GPRC5C: variants seen among roughly 807,000 people sequenced by gnomAD.
GPRC5C encodes G protein-coupled receptor class C group 5 member C, also known as G protein-coupled receptor family C group 5 member C.
In GPRC5C, 22 loss-of-function variants were observed where a neutral mutation model predicts 31.4. That is an observed-to-expected ratio of 0.70 (90% CI 0.50 to 1.00). GPRC5C has a LOEUF of 1.00. Among genes scored for constraint, GPRC5C ranks in the 50% least tolerant of loss-of-function variants. The pLI is 0.00. For missense variants in GPRC5C, 557 were observed against 597.2 expected, an observed-to-expected ratio of 0.93 and a Z score of 0.70; for synonymous variants, 249 against 257.5, an observed-to-expected ratio of 0.97 and a Z score of 0.32.
At chr17:74,433,631 C>T in intron 1 of GPRC5C, 1 of 1,240,398 alleles carries the variant, frequency 8.1e-7, no homozygotes, top group South Asian at 1.2e-5. Flanking sequence ...GTCGGGCCAT[C>T]GTCTTTCCCT....
chr17:74,437,488 TA>T (rs2055449481), intron 1 of GPRC5C, among the ~76,000 whole-genome samples: 1 of 152,208 alleles, frequency 6.6e-6, no homozygotes, highest in Non-Finnish European at 1.5e-5. Context: ...TAAGACGACC[TA>T]AATATTTTCA....
intron 1 of GPRC5C, among the ~76,000 whole-genome samples, chr17:74,433,272 G>A (rs540405356): frequency 1.3e-5 from 2 of 152,280 alleles, no homozygotes; most frequent in Admixed American, 1.3e-4. Context: ...TGGACTGGGG[G>A]AGGGAGTGCA....
At position 74,432,562 on chromosome 17, in the gene GPRC5C, G is replaced by A. The variant is rs929534167; in HGVS notation, c.-33+421G>A. On this transcript the variant is annotated intron_variant, in intron 1 of 3. Transcript: ENST00000392627. The stretch of plus-strand genomic sequence containing the variant: ...CCTTCCCGCTCCGCCGCCCGGAAGA[G>A]TCGGGTCGGGACGGCGGGGAGTGGG... The A allele has an allele frequency of 7.3e-5, 72 of 983,764 alleles. No individual in the cohort carries two copies. In the African/African-American group the frequency reaches 1.2e-3, roughly 16 times the overall value. The allele number at this position is 983,764 out of a possible 1,614,324, so 60.9% of individuals were successfully genotyped here.
At chr17:74,433,571 T>C in intron 1 of GPRC5C, 1 of 753,988 alleles carries the variant, frequency 1.3e-6, no homozygotes, top group South Asian at 1.5e-5. Flanking sequence ...CAGTGGGACC[T>C]AACCAGGGAC....
Position 74,447,083 on chromosome 17 carries a change from C to G in GPRC5C, c.*55C>G, listed in dbSNP as rs1049104458. 1 of 1,567,120 alleles carries G rather than the reference C, an allele frequency of 6.4e-7. No homozygotes were observed. Among genetic ancestry groups the G allele is most frequent in the African/African-American group, 1.4e-5 (1 of 73,752 alleles). ...TTTGGGGAGGGCCCTGAGGACCTGGCCCCGGGCAAGGGACTCTCCAGGCTC... is the reference window on the plus strand; with the variant it reads ...TTTGGGGAGGGCCCTGAGGACCTGGGCCCGGGCAAGGGACTCTCCAGGCTC... On this transcript the variant is annotated 3_prime_UTR_variant, in exon 4 of 4. Coordinates refer to ENST00000392627, the MANE Select transcript of GPRC5C (RefSeq NM_022036.4).
Position 74,443,900 on chromosome 17 carries a change from G to A in GPRC5C, c.1134G>A (p.Met378Ile), listed in dbSNP as rs1567963528. 6.2e-7 allele frequency: 1 copy of A among 1,610,674 alleles called. No individual in the cohort carries two copies. Among genetic ancestry groups the A allele is most frequent in the Non-Finnish European group, 8.5e-7 (1 of 1,177,032 alleles). ...ACCAGCCCACTGAGATGGCCCTGAT[G>A]CACAAAGTTCCGGTAAGTGGGTTCC... is the stretch of plus-strand genomic sequence containing the variant. ...SVYQPTEMAL[M>I]HKVPSEGAYD... The change falls in exon 3 of 4, where the codon ATG becomes ATA. Residue 378 changes from methionine (M) to isoleucine (I), a missense_variant. Coordinates refer to ENST00000392627, the MANE Select transcript of GPRC5C (RefSeq NM_022036.4).
At chr17:74,432,204 G>GT in intron 1 of GPRC5C, 63 bp downstream of exon 1, 2 of 1,563,698 alleles carry the variant, frequency 1.3e-6, no homozygotes, top group Non-Finnish European at 1.7e-6. Context: ...GCACGTACCT[G>GT]GAGCGCGGCG....
chr17:74,446,972 C>T lies in GPRC5C; in HGVS notation c.1270C>T (p.Pro424Ser), dbSNP rs201104752. Residue 424 changes from proline (P) to serine (S), a missense_variant, in exon 4 of 4, where the codon CCG (proline) becomes TCG (serine). By Grantham distance (74) the Pro-to-Ser change is moderately conservative (BLOSUM62 -1). Transcript: ENST00000392627. ...GGCCCAGAGCCACCAGGCGGCCACA[C>T]CGCCGAAAGACGGCAAGAACTCTCA... is the stretch of plus-strand genomic sequence containing the variant. ...YSAQSHQAAT[P>S]PKDGKNSQVF... 202 of 1,614,092 alleles carry T rather than the reference C, an allele frequency of 1.3e-4. No individual in the cohort carries two copies. Among genetic ancestry groups the T allele is most frequent in the Non-Finnish European group, 1.6e-4 (185 of 1,180,004 alleles).
At chr17:74,443,508 A>G (rs541606814) in intron 2 of GPRC5C, 25 of 519,092 alleles carry the variant, frequency 4.8e-5, no homozygotes, top group African/African-American at 3.8e-4. Context: ...GCGGATGGGG[A>G]TGTGGAAGTT....
chr17:74,437,133 G>T (rs8073034), intron 1 of GPRC5C, among the ~76,000 whole-genome samples: 10,797 of 152,046 alleles, frequency 0.071, 1,155 homozygotes, highest in African/African-American at 0.23. Context: ...TAGTAGAGAC[G>T]TGGTTTCAGC....
At chr17:74,437,552 G>T (rs925563133) in intron 1 of GPRC5C, among the ~76,000 whole-genome samples, 1 of 150,850 alleles carries the variant, frequency 6.6e-6, no homozygotes, top group African/African-American at 2.5e-5. Flanking sequence ...TCTTTATTGT[G>T]TCCATTTCAC....
chr17:74,438,206 CATATATATATATATATATAT>C (rs71157066), intron 1 of GPRC5C, among the ~76,000 whole-genome samples: 25 of 45,270 alleles, frequency 5.5e-4, no homozygotes, highest in Admixed American at 8.7e-4. Flanking sequence ...TCTGCTAATT[CATATATATATATATATATAT>C]ATATATATAT....
chr17:74,440,239 G>T lies in GPRC5C; in HGVS notation c.463G>T (p.Val155Leu), dbSNP rs772324935. 6.2e-7 allele frequency: 1 copy of T among 1,614,222 alleles called. No homozygotes were observed. The highest frequency in any genetic ancestry group is 1.1e-5 in the South Asian group (1 of 91,088). Residue 155 changes from valine (V) to leucine (L), a missense_variant, in exon 2 of 4, where the codon GTG becomes TTG. By Grantham distance (32) the Val-to-Leu change is conservative (BLOSUM62 1). Transcript: ENST00000392627. The surrounding 1 kb of genome is among the most constrained non-coding windows in gnomAD (Gnocchi z 4.4). ...ARKNHGPRGW[V>L]IFTVALLLTL... ...GAAGAACCACGGGCCCCGGGGCTGG[G>T]TGATCTTCACTGTGGCTCTGCTGCT...
Position 74,447,293 on chromosome 17 carries a change from C to T in GPRC5C, c.*265C>T. 1 of 1,222,220 alleles carries T rather than the reference C, an allele frequency of 8.2e-7. No homozygotes were observed. Among genetic ancestry groups the T allele is most frequent in the East Asian group, 3.6e-5 (1 of 27,518 alleles). 75.7% of individuals were successfully genotyped at this position (1,222,220 alleles called of 1,614,324 possible). A position where few individuals can be genotyped will look rare whatever the true frequency, so the allele number is the denominator to read the frequency against. ...TCACACTCCAGCCAAATAGTGTTCT[C>T]GGGGTGGTGGCTGGGCAGCGCCTAT... On this transcript the variant is annotated 3_prime_UTR_variant, in exon 4 of 4. Transcript: ENST00000392627.
Position 74,439,727 on chromosome 17 carries a change from T to C in GPRC5C, c.-32-18T>C, listed in dbSNP as rs2055495113. On this transcript the variant is annotated intron_variant, in intron 1 of 3. Coordinates refer to ENST00000392627, the MANE Select transcript of GPRC5C (RefSeq NM_022036.4). The stretch of plus-strand genomic sequence containing the variant: ...GATCTTGGAGGACTAATTTTGTCCC[T>C]TTTCCTTCTGTCTCTAGGGACCCAA... 4.4e-6 allele frequency: 7 copies of C among 1,575,980 alleles called. No individual in the cohort carries two copies. Among genetic ancestry groups the C allele is most frequent in the African/African-American group, 4.1e-5 (3 of 73,632 alleles).
intron 3 of GPRC5C, among the ~76,000 whole-genome samples, chr17:74,444,767 C>T (rs554317794): frequency 3.3e-5 from 5 of 152,278 alleles, no homozygotes; most frequent in African/African-American, 1.2e-4. Flanking sequence ...TCAGCTCTGG[C>T]GGGGAGTGGG....
downstream of GPRC5C, among the ~76,000 whole-genome samples, chr17:74,449,182 G>A (rs934007453): frequency 2.6e-5 from 4 of 152,184 alleles, no homozygotes; most frequent in African/African-American, 7.2e-5. Context: ...AAGTTTGCTG[G>A]GAAGAAAAAA....
At chr17:74,450,477 C>T (rs1376873111), downstream of GPRC5C, 5 of 152,210 alleles carry the variant, frequency 3.3e-5, 1 homozygote, top group African/African-American at 1.2e-4. Flanking sequence ...CCTGTGAGAT[C>T]CAGGACTAAA....
downstream of GPRC5C, chr17:74,450,432 C>T (rs1055806481): frequency 6.6e-6 from 1 of 152,258 alleles, no homozygotes; most frequent in Non-Finnish European, 1.5e-5. Flanking sequence ...GAGTCTAGGC[C>T]TCTCTCGTGA....
Sources: allele counts gnomAD v4.1 joint callset (sites outside exome capture counted in the v4.1 genomes callset), GRCh38; gene constraint gnomAD v4.1.1; non-coding constraint Gnocchi (gnomAD v3.1); transcripts MANE v1.5; gene names NCBI Gene and HGNC (gene_info 2026-07-23, HGNC 2026-07-21).